The following GREB1 variants were observed in gnomAD, a reference collection of about 807,000 sequenced individuals.
The protein encoded by GREB1 is growth regulating estrogen receptor binding 1.
GREB1 carries 106 observed loss-of-function variants against 200.7 expected under a neutral mutation model. The observed-to-expected ratio is 0.53, with a 90% CI of 0.45 to 0.62. GREB1 has a LOEUF of 0.62. GREB1 is among the 20% of genes least tolerant of loss of function. GREB1 has a pLI of 0.00. For missense variants in GREB1, 2,243 were observed against 2,556.8 expected (o/e 0.88, Z 2.65); for synonymous variants, 1,132 against 1,092.4 (o/e 1.04, Z -0.72).
At chr2:11,485,903 A>G (rs903266047) in intron 1 of GREB1, among the ~76,000 whole-genome samples, 1 of 152,224 alleles carries the variant, frequency 6.6e-6, no homozygotes, top group African/African-American at 2.4e-5. Flanking sequence ...TGGGAAGAAG[A>G]TAAGTGTAAC....
At chr2:11,632,569 C>T (rs1684970270) in intron 27 of GREB1, among the ~76,000 whole-genome samples, 1 of 152,138 alleles carries the variant, frequency 6.6e-6, no homozygotes, top group African/African-American at 2.4e-5. Context: ...AACTCCTGAC[C>T]TCAGGTGACT....
chr2:11,616,964 C>T (rs549193197), intron 21 of GREB1, among the ~76,000 whole-genome samples: 2 of 152,316 alleles, frequency 1.3e-5, no homozygotes, highest in East Asian at 1.9e-4. Flanking sequence ...AGGGGAGGAC[C>T]GTGGACCCTG....
intron 1 of GREB1, among the ~76,000 whole-genome samples, chr2:11,504,251 A>G (rs1673120490): frequency 6.6e-6 from 1 of 152,172 alleles, no homozygotes; most frequent in South Asian, 2.1e-4. Flanking sequence ...AGAAGGTGGG[A>G]GATTTCATCA....
At position 11,576,392 on chromosome 2, in the gene GREB1, T is replaced by A. The variant is rs762408918; in HGVS notation, c.494T>A (p.Phe165Tyr). 2.3e-5 allele frequency: 37 copies of A among 1,613,952 alleles called. No individual in the cohort carries two copies. The highest frequency in any genetic ancestry group is 3.1e-5 in the Non-Finnish European group (37 of 1,179,916). ...GNCVGCGKKG[F>Y]CYFTEFSNHI... ...TGTGTTGGCTGTGGAAAGAAAGGCT[T>A]CTGTTACTTCACGGAATTCTCCAAT... is the stretch of plus-strand genomic sequence containing the variant. The change falls in exon 5 of 33, where the codon TTC becomes TAC. Residue 165 changes from phenylalanine to tyrosine, a missense_variant. Coordinates refer to ENST00000381486, the MANE Select transcript of GREB1 (RefSeq NM_014668.4).
chr2:11,555,932 G>A (rs1676391948), intron 1 of GREB1, among the ~76,000 whole-genome samples: 2 of 152,238 alleles, frequency 1.3e-5, no homozygotes, highest in Non-Finnish European at 2.9e-5. Context: ...TGATTTTTGG[G>A]GGGATAGAAA....
At chr2:11,538,617 C>G (rs182352214) in intron 1 of GREB1, among the ~76,000 whole-genome samples, 3 of 5,640 alleles carry the variant, frequency 5.3e-4, no homozygotes, top group East Asian at 7.2e-3. Flanking sequence ...GTGTTTCTTT[C>G]TTTCTTTCTT....
intron 26 of GREB1, among the ~76,000 whole-genome samples, chr2:11,631,084 G>A (rs1684838793): frequency 6.6e-6 from 1 of 152,192 alleles, no homozygotes; most frequent in African/African-American, 2.4e-5. Context: ...GGTGAAATAT[G>A]AGAGCTGGGG....
chr2:11,588,980 C>G, intron 10 of GREB1, 49 bp downstream of exon 10: 3 of 1,493,414 alleles, frequency 2.0e-6, no homozygotes, highest in Non-Finnish European at 9.3e-7. Flanking sequence ...GGCCACAGCC[C>G]GAGCACAGAC....
intron 1 of GREB1, among the ~76,000 whole-genome samples, chr2:11,552,808 G>A (rs1006647931): frequency 1.4e-4 from 21 of 152,040 alleles, no homozygotes; most frequent in Admixed American, 2.6e-4. Context: ...TCAGGAGATC[G>A]AGACCATCCT....
intron 1 of GREB1, among the ~76,000 whole-genome samples, chr2:11,506,839 G>A (rs149288669): frequency 7.4e-4 from 112 of 152,244 alleles, no homozygotes; most frequent in African/African-American, 2.6e-3. Context: ...CACACACACT[G>A]CAGTGTGCAG....
At chr2:11,565,636 A>G (rs974335314) in intron 3 of GREB1, among the ~76,000 whole-genome samples, 8 of 152,152 alleles carry the variant, frequency 5.3e-5, no homozygotes, top group Non-Finnish European at 8.8e-5. Flanking sequence ...GTAGAAATGT[A>G]TTATTTGAAT....
At chr2:11,628,914 G>A (rs988380044) in intron 25 of GREB1, among the ~76,000 whole-genome samples, 1 of 152,216 alleles carries the variant, frequency 6.6e-6, no homozygotes, top group African/African-American at 2.4e-5. Flanking sequence ...GAAACCAGCT[G>A]GTGCGGGTGC....
intron 2 of GREB1, among the ~76,000 whole-genome samples, chr2:11,557,671 C>T (rs887008933): frequency 6.6e-6 from 1 of 152,160 alleles, no homozygotes; most frequent in Non-Finnish European, 1.5e-5. Context: ...CTGATAGTTG[C>T]TTATTCTAGC....
intron 9 of GREB1, among the ~76,000 whole-genome samples, chr2:11,586,648 GTTA>G (rs1313336234): frequency 6.6e-6 from 1 of 152,156 alleles, no homozygotes; most frequent in Non-Finnish European, 1.5e-5. Flanking sequence ...TCTTAAATAC[GTTA>G]TTATTGCATT....
chr2:11,546,512 C>T (rs572671263), intron 1 of GREB1, among the ~76,000 whole-genome samples: 26 of 152,262 alleles, frequency 1.7e-4, no homozygotes, highest in African/African-American at 5.8e-4. Context: ...AAAATATATA[C>T]ATACATACTT....
chr2:11,548,152 G>A lies in GREB1; in HGVS notation c.-161-8302G>A, dbSNP rs1675464092. On this transcript the variant is annotated intron_variant, in intron 1 of 32. Transcript: ENST00000381486. The surrounding 1 kb of genome is among the most constrained non-coding windows in gnomAD (Gnocchi z 5.1). ...TGACTGCACCACTGCACTACAGCTG[G>A]GCAACAGAGCAAGACCCTGTCTCCA... is the stretch of plus-strand genomic sequence containing the variant. 6.6e-6 allele frequency among the ~76,000 whole-genome samples: 1 copy of A among 151,726 alleles called. No homozygotes were observed. The highest frequency in any genetic ancestry group is 1.5e-5 in the Non-Finnish European group (1 of 67,926).
Position 11,592,705 on chromosome 2 carries a change from A to T in GREB1, c.1346-71A>T, listed in dbSNP as rs79747758. On this transcript the variant is annotated intron_variant, in intron 10 of 32. Transcript: ENST00000381486. ...TAATAACTTAGGTGGGTACTTTCAC[A>T]TCACTGCACCCGTGCGTCCCCGGAT... The T allele has an allele frequency of 2.1e-3, 2,161 of 1,020,120 alleles. 32 individuals are homozygous for T. The African/African-American group carries it at 0.033, about 16-fold the overall frequency. The allele number at this position is 1,020,120 out of a possible 1,614,324, so 63.2% of individuals were successfully genotyped here.
chr2:11,626,278 C>T (rs993402817), intron 24 of GREB1, among the ~76,000 whole-genome samples: 16 of 151,890 alleles, frequency 1.1e-4, no homozygotes, highest in Admixed American at 8.5e-4. Context: ...AAATCTTAAT[C>T]GGCGAGGTCA....
chr2:11,632,841 G>A (rs1448997381), intron 27 of GREB1, 48 bp from the exon 28 acceptor site: 3 of 1,557,570 alleles, frequency 1.9e-6, no homozygotes, highest in Admixed American at 3.5e-5. Flanking sequence ...GTCTGCTGTG[G>A]GTGTGGGTGC....
Sources: allele counts gnomAD v4.1 joint callset (sites outside exome capture counted in the v4.1 genomes callset), GRCh38; gene constraint gnomAD v4.1.1; non-coding constraint Gnocchi (gnomAD v3.1); transcripts MANE v1.5; gene names NCBI Gene and HGNC (gene_info 2026-07-23, HGNC 2026-07-21).